OR4D1: variants seen among roughly 807,000 people sequenced by gnomAD.
OR4D1 encodes olfactory receptor family 4 subfamily D member 1, also known as olfactory receptor 4D1.
A neutral mutation model predicts 14.2 loss-of-function variants in OR4D1; 10 were observed. The observed-to-expected ratio is 0.71, with a 90% CI of 0.44 to 1.20. The LOEUF (loss-of-function observed/expected upper bound fraction) is 1.20, where lower values mean the gene tolerates loss of function less well. Ranked by LOEUF, OR4D1 falls within the 50% of genes most tolerant of loss-of-function variation. The pLI, the probability that OR4D1 is intolerant of heterozygous loss-of-function variation, is 0.00. For missense variants in OR4D1, 345 were observed against 376.6 expected (o/e 0.92, Z 0.70); for synonymous variants, 141 against 147.4 (o/e 0.96, Z 0.32).
intron 3 of OR4D1, among the ~76,000 whole-genome samples, 109 bp downstream of exon 3, chr17:58,154,072 C>T (rs1221287598): frequency 6.6e-6 from 1 of 151,758 alleles, no homozygotes; most frequent in African/African-American, 2.4e-5. Flanking sequence ...CCTCCCACCT[C>T]AGCCTCCCAA....
In OR4D1 at chr17:58,155,045, A is replaced by G. The variant is rs1057447116; in HGVS notation, c.-19-90A>G. The G allele has an allele frequency of 4.6e-6, 4 of 875,110 alleles. No homozygotes were observed. The Admixed American group carries it at 9.6e-5, about 21-fold the overall frequency. The allele number at this position is 875,110 out of a possible 1,614,324, so 54.2% of individuals were successfully genotyped here. A position where few individuals can be genotyped will look rare whatever the true frequency, so the allele number is the denominator to read the frequency against. On this transcript the variant is annotated intron_variant, in intron 3 of 3. Coordinates refer to ENST00000268912, the MANE Select transcript of OR4D1 (RefSeq NM_001386095.1). ...TCTCGGATTGACACTCAACAACTCA[A>G]CTTAATCAACTCAATCCTGACTGTC...
Position 58,153,844 on chromosome 17 carries a change from T to C in OR4D1, c.-126-13T>C, listed in dbSNP as rs1019082866. Among the ~76,000 whole-genome samples, 1 of 152,188 alleles carries C rather than the reference T, an allele frequency of 6.6e-6. No individual in the cohort carries two copies. Among genetic ancestry groups the C allele is most frequent in the Non-Finnish European group, 1.5e-5 (1 of 68,034 alleles). On this transcript the variant is annotated splice_polypyrimidine_tract_variant and intron_variant, in intron 2 of 3. Transcript: ENST00000268912. ...TGTCTCCCTTCATGCTCTAATTTTCTTTTTCTTTTTAGAGATAAGATCAGC... is the reference window on the plus strand; with the variant it reads ...TGTCTCCCTTCATGCTCTAATTTTCCTTTTCTTTTTAGAGATAAGATCAGC...
chr17:58,157,491 A>G lies in OR4D1; in HGVS notation c.*1405A>G. 8.6e-7 allele frequency: 1 copy of G among 1,160,926 alleles called. No homozygotes were observed. The highest frequency in any genetic ancestry group is 1.2e-5 in the South Asian group (1 of 80,622). 71.9% of individuals were successfully genotyped at this position (1,160,926 alleles called of 1,614,324 possible). Reference sequence around the variant, plus strand: ...GCTCTGGAGGGCAAGTTGCTCCAGAAACAGTACCTCTCCATTGCAGAGGGT... The same window carrying G: ...GCTCTGGAGGGCAAGTTGCTCCAGAGACAGTACCTCTCCATTGCAGAGGGT... On this transcript the variant is annotated 3_prime_UTR_variant, in exon 4 of 4. Coordinates refer to ENST00000268912, the MANE Select transcript of OR4D1 (RefSeq NM_001386095.1).
chr17:58,155,344 G>A lies in OR4D1; in HGVS notation c.191G>A (p.Arg64Gln), dbSNP rs760207142. The change falls in exon 4 of 4, where the codon CGA (arginine) becomes CAA (glutamine). Residue 64 changes from arginine (R) to glutamine (Q), a missense_variant. Arg to Gln is a conservative substitution (Grantham distance 43). Transcript: ENST00000268912. Reference sequence around the variant, plus strand: ...CACACACCCATGTATTTTCTGCTCCGAAATCTAGCTCTCATAGACCTCTGC... The same window carrying A: ...CACACACCCATGTATTTTCTGCTCCAAAATCTAGCTCTCATAGACCTCTGC... ...RLHTPMYFLL[R>Q]NLALIDLCYS... 2.1e-5 allele frequency: 34 copies of A among 1,614,064 alleles called. No individual in the cohort carries two copies. The highest frequency in any genetic ancestry group is 3.3e-4 in the Middle Eastern group (2 of 6,062).
chr17:58,158,654 G>A lies in OR4D1; in HGVS notation c.*2568G>A, dbSNP rs545753472. 1.3e-5 allele frequency: 2 copies of A among 152,242 alleles called. No homozygotes were observed. The highest frequency in any genetic ancestry group is 4.1e-4 in the South Asian group (2 of 4,828). 9.4% of individuals were successfully genotyped at this position (152,242 alleles called of 1,614,324 possible). On this transcript the variant is annotated 3_prime_UTR_variant, in exon 4 of 4. Coordinates refer to ENST00000268912, the MANE Select transcript of OR4D1 (RefSeq NM_001386095.1). The stretch of plus-strand genomic sequence containing the variant: ...AAAAAGTTAAAGCCTGTTGGGAGGA[G>A]TTGATGGTTTCTGAGAAATACTAGG...
chr17:58,152,677 G>A (rs921762755), intron 2 of OR4D1, among the ~76,000 whole-genome samples: 1 of 152,314 alleles, frequency 6.6e-6, no homozygotes, highest in East Asian at 1.9e-4. Flanking sequence ...GCTCACACCT[G>A]TGATCCCAGC....
rs1045774017 is a variant in OR4D1, at chr17:58,158,443, A to T, written c.*2357A>T. 1 of 90,762 alleles carries T rather than the reference A, an allele frequency of 1.1e-5. No individual in the cohort carries two copies. Among genetic ancestry groups the T allele is most frequent in the Non-Finnish European group, 2.4e-5 (1 of 42,222 alleles). The allele number at this position is 90,762 out of a possible 1,614,324, so 5.6% of individuals were successfully genotyped here. A position where few individuals can be genotyped will look rare whatever the true frequency, so the allele number is the denominator to read the frequency against. On this transcript the variant is annotated 3_prime_UTR_variant, in exon 4 of 4. Coordinates refer to ENST00000268912, the MANE Select transcript of OR4D1 (RefSeq NM_001386095.1). ...ACCATATTTGTTCCTATCTCTCCCC[A>T]CGCCCACCCCCCCCCCACACACACA... is the stretch of plus-strand genomic sequence containing the variant.
chr17:58,154,028 C>G lies in OR4D1; in HGVS notation c.-20+65C>G, dbSNP rs183993812. On this transcript the variant is annotated intron_variant, in intron 3 of 3. Coordinates refer to ENST00000268912, the MANE Select transcript of OR4D1 (RefSeq NM_001386095.1). ...TAGAGATGTGATCTCACTATGTTGCCCAGGCTTGTCTCAAACTCCTGGCCT... is the reference window on the plus strand; with the variant it reads ...TAGAGATGTGATCTCACTATGTTGCGCAGGCTTGTCTCAAACTCCTGGCCT... Among the ~76,000 whole-genome samples, 559 of 152,152 alleles carry G rather than the reference C, an allele frequency of 3.7e-3. 1 individual carries two copies. The highest frequency in any genetic ancestry group is 0.01 in the Middle Eastern group (3 of 294).
intron 2 of OR4D1, among the ~76,000 whole-genome samples, chr17:58,153,002 T>C (rs529606088): frequency 6.6e-6 from 1 of 152,274 alleles, no homozygotes; most frequent in South Asian, 2.1e-4. Flanking sequence ...AATAATGAAG[T>C]ATGCTGTTAA....
In OR4D1 at chr17:58,155,943, C is replaced by T. The variant is rs1479079344; in HGVS notation, c.790C>T (p.Pro264Ser). The T allele has an allele frequency of 2.5e-6, 4 of 1,614,100 alleles. No homozygotes were observed. The South Asian group carries it at 4.4e-5, about 18-fold the overall frequency. Residue 264 changes from proline to serine, a missense_variant, in exon 4 of 4, where the codon CCA becomes TCA. Coordinates refer to ENST00000268912, the MANE Select transcript of OR4D1 (RefSeq NM_001386095.1). ...CIYIYTWPFT[P>S]FLMDKAVSIS... ...CTATATCTATACCTGGCCCTTCACC[C>T]CATTCCTCATGGACAAGGCTGTGTC...
chr17:58,151,581 G>A (rs9892785), intron 2 of OR4D1, among the ~76,000 whole-genome samples: 3,096 of 152,224 alleles, frequency 0.02, 104 homozygotes, highest in African/African-American at 0.071. Context: ...CCAGGTCCCC[G>A]CAAAGGACAT....
At position 58,155,363 on chromosome 17, in the gene OR4D1, C is replaced by G. The variant is rs1315385841; in HGVS notation, c.210C>G (p.Asp70Glu). The G allele has an allele frequency of 1.9e-6, 3 of 1,614,140 alleles. No homozygotes were observed. In the South Asian group the frequency reaches 3.3e-5, roughly 18 times the overall value. ...YFLLRNLALIDLCYSTVTSPK... is the reference protein window; with the variant it reads ...YFLLRNLALIELCYSTVTSPK... ...TGCTCCGAAATCTAGCTCTCATAGA[C>G]CTCTGCTATTCCACAGTCACCTCTC... is the stretch of plus-strand genomic sequence containing the variant. Residue 70 changes from aspartate to glutamate, a missense_variant, in exon 4 of 4, where the codon GAC becomes GAG. Coordinates refer to ENST00000268912, the MANE Select transcript of OR4D1 (RefSeq NM_001386095.1).
rs200148232 is a variant in OR4D1, at chr17:58,155,614, T to C, written c.461T>C (p.Val154Ala). 1.3e-4 allele frequency: 204 copies of C among 1,614,180 alleles called. 2 individuals carry two copies. The African/African-American group carries it at 2.5e-3, about 20-fold the overall frequency. ...LVVAAWVGGF[V>A]HSIVQLALIL... ...GTAGCCGCCTGGGTGGGGGGCTTTG[T>C]CCACTCCATTGTCCAACTGGCTCTG... The change falls in exon 4 of 4, where the codon GTC (valine) becomes GCC (alanine). Residue 154 changes from valine to alanine, a missense_variant. Coordinates refer to ENST00000268912, the MANE Select transcript of OR4D1 (RefSeq NM_001386095.1).
chr17:58,155,872 G>T lies in OR4D1; in HGVS notation c.719G>T (p.Cys240Phe). Residue 240 changes from cysteine to phenylalanine, a missense_variant, in exon 4 of 4, where the codon TGC becomes TTC. Cys to Phe is a radical substitution (Grantham distance 205). Coordinates refer to ENST00000268912, the MANE Select transcript of OR4D1 (RefSeq NM_001386095.1). ...GKARRKAAST[C>F]TTHIIVVSMI... ...GCAAGGAGGAAGGCAGCTTCCACCT[G>T]CACCACCCACATCATCGTGGTGTCC... 6.2e-7 allele frequency: 1 copy of T among 1,614,084 alleles called. No individual in the cohort carries two copies. The highest frequency in any genetic ancestry group is 2.2e-5 in the East Asian group (1 of 44,878).
Position 58,156,938 on chromosome 17 carries a change from T to C in OR4D1, c.*852T>C. ...TAGAAAGTTATCTCGCCCTCCCTCCTCCCCCACAAAAAAAGTTTGAGTCGC... is the reference window on the plus strand; with the variant it reads ...TAGAAAGTTATCTCGCCCTCCCTCCCCCCCCACAAAAAAAGTTTGAGTCGC... On this transcript the variant is annotated 3_prime_UTR_variant, in exon 4 of 4. Transcript: ENST00000268912. The C allele has an allele frequency of 1.5e-6, 1 of 649,184 alleles. No individual in the cohort carries two copies. The highest frequency in any genetic ancestry group is 2.8e-6 in the Non-Finnish European group (1 of 356,786). The allele number at this position is 649,184 out of a possible 1,614,324, so 40.2% of individuals were successfully genotyped here.
In OR4D1 at chr17:58,158,455, C is replaced by CT. The variant is rs1359245216; in HGVS notation, c.*2369_*2370insT. 1 of 143,580 alleles carries CT rather than the reference C, an allele frequency of 7.0e-6. No homozygotes were observed. The highest frequency in any genetic ancestry group is 7.0e-5 in the Admixed American group (1 of 14,316). 8.9% of individuals were successfully genotyped at this position (143,580 alleles called of 1,614,324 possible). ...CCTATCTCTCCCCACGCCCACCCCC[C>CT]CCCCACACACACATTTTTACAGTTT... is the stretch of plus-strand genomic sequence containing the variant. On this transcript the variant is annotated 3_prime_UTR_variant, in exon 4 of 4. Transcript: ENST00000268912.
Position 58,158,036 on chromosome 17 carries a change from A to C in OR4D1, c.*1950A>C. On this transcript the variant is annotated 3_prime_UTR_variant, in exon 4 of 4. Coordinates refer to ENST00000268912, the MANE Select transcript of OR4D1 (RefSeq NM_001386095.1). The stretch of plus-strand genomic sequence containing the variant: ...CCAGGTGCCCCCTTCTCCTTTCACA[A>C]AGATTGGCTCTGATGGTTTTTATGT... The C allele has an allele frequency of 2.9e-6, 1 of 343,986 alleles. No individual in the cohort carries two copies. Among genetic ancestry groups the C allele is most frequent in the Non-Finnish European group, 5.3e-6 (1 of 189,910 alleles). The allele number at this position is 343,986 out of a possible 1,614,324, so 21.3% of individuals were successfully genotyped here. A position where few individuals can be genotyped will look rare whatever the true frequency, so the allele number is the denominator to read the frequency against.
intron 3 of OR4D1, among the ~76,000 whole-genome samples, chr17:58,154,720 CAA>C (rs2143660110): frequency 6.6e-6 from 1 of 152,298 alleles, no homozygotes; most frequent in East Asian, 1.9e-4. Context: ...TATATCCTAT[CAA>C]GATTTATGCA....
At position 58,157,308 on chromosome 17, in the gene OR4D1, G is replaced by A; in HGVS notation, c.*1222G>A. On this transcript the variant is annotated 3_prime_UTR_variant, in exon 4 of 4. Transcript: ENST00000268912. Reference sequence around the variant, plus strand: ...GATCAAGCCCTTCGAGACCGCCTCGGTCAAGTGGGAAAACTCCCTAAGACG... The same window carrying A: ...GATCAAGCCCTTCGAGACCGCCTCGATCAAGTGGGAAAACTCCCTAAGACG... 1 of 1,506,426 alleles carries A rather than the reference G, an allele frequency of 6.6e-7. No homozygotes were observed. The highest frequency in any genetic ancestry group is 8.9e-7 in the Non-Finnish European group (1 of 1,123,146). 93.3% of individuals were successfully genotyped at this position (1,506,426 alleles called of 1,614,324 possible). A position where few individuals can be genotyped will look rare whatever the true frequency, so the allele number is the denominator to read the frequency against.
Sources: allele counts gnomAD v4.1 joint callset (sites outside exome capture counted in the v4.1 genomes callset), GRCh38; gene constraint gnomAD v4.1.1; transcripts MANE v1.5; gene names NCBI Gene and HGNC (gene_info 2026-07-23, HGNC 2026-07-21).